Variants in PTPRR observed in about 807,000 individuals in gnomAD.
PTPRR encodes the protein receptor-type tyrosine-protein phosphatase R.
Under a neutral mutation model 77.2 loss-of-function variants are expected in PTPRR, and 38 were observed. That is an observed-to-expected ratio of 0.49 (90% confidence interval 0.38 to 0.65). PTPRR has a LOEUF of 0.65. Among genes scored for constraint, PTPRR ranks in the 30% least tolerant of loss-of-function variants. The probability of loss-of-function intolerance (pLI) is 0.00; values close to 1 mark genes in which losing one functional copy is unlikely to be tolerated. For synonymous variants in PTPRR, 299 were observed against 283.1 expected (o/e 1.06, Z -0.57); for missense variants, 744 against 799.2 (o/e 0.93, Z 0.83).
intron 2 of PTPRR, among the ~76,000 whole-genome samples, chr12:70,863,116 C>A (rs567932919): frequency 1.4e-4 from 22 of 152,216 alleles, no homozygotes; most frequent in Middle Eastern, 3.4e-3. Context: ...ACTTATAATA[C>A]GTAATAACTT....
rs560047296 is a variant in PTPRR, at chr12:70,823,434, A to C, written c.358-58656T>G. 7.4e-4 allele frequency among the ~76,000 whole-genome samples: 113 copies of C among 152,376 alleles called. 2 individuals are homozygous for C. The South Asian group carries it at 0.023, about 30-fold the overall frequency. On this transcript the variant is annotated intron_variant, in intron 2 of 13. Coordinates refer to ENST00000283228, the MANE Select transcript of PTPRR (RefSeq NM_002849.4). ...GAAAGTAGAGCAAGTGATTAGAAGT[A>C]AAACTGCCCTGAATCGAATTCTGAA...
chr12:70,715,239 T>C (rs868630286), intron 6 of PTPRR, among the ~76,000 whole-genome samples: 1 of 152,028 alleles, frequency 6.6e-6, no homozygotes, highest in South Asian at 2.1e-4. Flanking sequence ...AAGTTTTTAT[T>C]AGGGAGTTTC....
chr12:70,794,614 G>A (rs1385264307), intron 2 of PTPRR, among the ~76,000 whole-genome samples: 1 of 152,206 alleles, frequency 6.6e-6, no homozygotes, highest in Non-Finnish European at 1.5e-5. Flanking sequence ...AGACACGAGA[G>A]AAGACTCCCT....
Position 70,827,709 on chromosome 12 carries a change from C to CTTTTTT in PTPRR, c.358-62937_358-62932dup, listed in dbSNP as rs869285373. Among the ~76,000 whole-genome samples the CTTTTTT allele has an allele frequency of 8.9e-4, 57 of 63,870 alleles. 10 individuals are homozygous for CTTTTTT. The highest frequency in any genetic ancestry group is 5.1e-3 in the African/African-American group (54 of 10,586). 41.9% of individuals were successfully genotyped at this position (63,870 alleles called of 152,430 possible). ...TATAGGTGCCTGCCACCACACCTGG[C>CTTTTTT]TTTTTTTTTTTTTTTTTTTTTTTTT... is the stretch of plus-strand genomic sequence containing the variant. On this transcript the variant is annotated intron_variant, in intron 2 of 13. Coordinates refer to ENST00000283228, the MANE Select transcript of PTPRR (RefSeq NM_002849.4).
rs531042189 is a variant in PTPRR at position 70,650,431 on chromosome 12, A to C, written c.1880+6273T>G. 2.6e-3 allele frequency among the ~76,000 whole-genome samples: 382 copies of C among 148,828 alleles called. 3 individuals are homozygous for C. Among genetic ancestry groups the C allele is most frequent in the African/African-American group, 8.7e-3 (337 of 38,886 alleles). On this transcript the variant is annotated intron_variant, in intron 13 of 13. Transcript: ENST00000283228. ...GACAAGAAAGAAATTCCATCTCAAA[A>C]AAACAAACAAAACAAAACAAAATAT...
chr12:70,716,938 T>A (rs192923646), intron 6 of PTPRR, among the ~76,000 whole-genome samples: 139 of 152,316 alleles, frequency 9.1e-4, no homozygotes, highest in African/African-American at 3.2e-3. Flanking sequence ...ACTGCAAGAA[T>A]ATATCATCCA....
chr12:70,673,245 C>T (rs543166217), intron 10 of PTPRR, among the ~76,000 whole-genome samples: 3 of 152,200 alleles, frequency 2.0e-5, no homozygotes, highest in Admixed American at 6.5e-5. Flanking sequence ...TTCTGCCTAA[C>T]CAGCAATCTT....
chr12:70,845,586 T>A (rs1366592922), intron 2 of PTPRR, among the ~76,000 whole-genome samples: 1 of 152,186 alleles, frequency 6.6e-6, no homozygotes, highest in Non-Finnish European at 1.5e-5. Flanking sequence ...CTCCCAGCTC[T>A]CCGTATTTTT....
intron 2 of PTPRR, among the ~76,000 whole-genome samples, chr12:70,879,006 A>G (rs905727236): frequency 2.3e-4 from 35 of 152,172 alleles, no homozygotes. Flanking sequence ...GAAAGAACAA[A>G]AAACCAAACA....
chr12:70,893,854 A>G (rs1025068846), intron 1 of PTPRR, among the ~76,000 whole-genome samples: 2 of 151,850 alleles, frequency 1.3e-5, no homozygotes, highest in East Asian at 1.9e-4. Flanking sequence ...ACAATATTCT[A>G]TTGTTTTACC....
intron 10 of PTPRR, among the ~76,000 whole-genome samples, chr12:70,667,264 G>A (rs1277966692): frequency 1.3e-5 from 2 of 152,078 alleles, no homozygotes; most frequent in African/African-American, 4.8e-5. Context: ...CTGATTAACT[G>A]TGTTAAACAA....
chr12:70,893,287 C>T (rs567386018), intron 1 of PTPRR, among the ~76,000 whole-genome samples: 3 of 152,054 alleles, frequency 2.0e-5, no homozygotes, highest in African/African-American at 7.2e-5. Context: ...GTTTCAATAC[C>T]TACTTGGGCT....
intron 6 of PTPRR, among the ~76,000 whole-genome samples, chr12:70,743,803 G>T (rs755796730): frequency 6.6e-6 from 1 of 152,134 alleles, no homozygotes; most frequent in Admixed American, 6.5e-5. Context: ...ATGAATAAGT[G>T]AATATTTAAC....
chr12:70,746,242 T>C (rs181673984), intron 5 of PTPRR, among the ~76,000 whole-genome samples, 156 bp from the exon 6 acceptor site: 3 of 152,132 alleles, frequency 2.0e-5, no homozygotes, highest in Non-Finnish European at 2.9e-5. Context: ...TTCATGGTAT[T>C]GAGATTTTTC....
At chr12:70,885,356 A>G (rs1893220129) in intron 2 of PTPRR, among the ~76,000 whole-genome samples, 2 of 152,198 alleles carry the variant, frequency 1.3e-5, no homozygotes, top group African/African-American at 4.8e-5. Context: ...GTTAAAAGTG[A>G]TGCTGTACAA....
intron 10 of PTPRR, among the ~76,000 whole-genome samples, chr12:70,679,623 G>A (rs1887582447): frequency 6.6e-6 from 1 of 151,932 alleles, no homozygotes; most frequent in Admixed American, 6.6e-5. Flanking sequence ...ATTAACCCAT[G>A]TATCATTATA....
chr12:70,681,199 G>A (rs1171772145), intron 10 of PTPRR, among the ~76,000 whole-genome samples: 1 of 152,206 alleles, frequency 6.6e-6, no homozygotes, highest in African/African-American at 2.4e-5. Flanking sequence ...TGTAATGGCA[G>A]TGTAGCCTTA....
intron 2 of PTPRR, among the ~76,000 whole-genome samples, chr12:70,811,552 C>A (rs951972690): frequency 6.6e-6 from 1 of 152,190 alleles, no homozygotes; most frequent in African/African-American, 2.4e-5. Flanking sequence ...ACAGCAGAAA[C>A]CTTAGACCAT....
At chr12:70,916,061 A>G (rs1893770474) in intron 1 of PTPRR, among the ~76,000 whole-genome samples, 1 of 152,180 alleles carries the variant, frequency 6.6e-6, no homozygotes, top group Non-Finnish European at 1.5e-5. Context: ...TAAAAAAAGT[A>G]AAATATATTG....
Sources: allele counts gnomAD v4.1 joint callset (sites outside exome capture counted in the v4.1 genomes callset), GRCh38; gene constraint gnomAD v4.1.1; transcripts MANE v1.5; gene names NCBI Gene and HGNC (gene_info 2026-07-23, HGNC 2026-07-21).